POLA2: variants seen among roughly 807,000 people sequenced by gnomAD.
POLA2 encodes DNA polymerase alpha subunit B.
In POLA2, 47 loss-of-function variants were observed where a neutral mutation model predicts 82.8. That is an observed-to-expected ratio of 0.57 (90% CI 0.45 to 0.72). The LOEUF (loss-of-function observed/expected upper bound fraction) is 0.72, where lower values mean the gene tolerates loss of function less well. Ranked by LOEUF, POLA2 falls within the 30% of genes least tolerant of loss-of-function variation. The pLI is 0.00. For synonymous variants in POLA2, 287 were observed against 286.8 expected (o/e 1.00, Z -0.01); for missense variants, 634 against 728.1 (o/e 0.87, Z 1.49).
At chr11:65,301,838 T>G (rs1008008972), downstream of POLA2, among the ~76,000 whole-genome samples, 1 of 152,190 alleles carries the variant, frequency 6.6e-6, no homozygotes, top group Non-Finnish European at 1.5e-5. Context: ...TCTGTCACCG[T>G]CATTGGTCAT....
intron 10 of POLA2, among the ~76,000 whole-genome samples, chr11:65,286,336 G>A (rs920381387): frequency 3.9e-5 from 6 of 152,084 alleles, no homozygotes; most frequent in Non-Finnish European, 5.9e-5. Context: ...GAGGAACTCA[G>A]CCCTGCCCAC....
chr11:65,280,224 A>G (rs1222318450), intron 7 of POLA2, among the ~76,000 whole-genome samples: 6 of 152,202 alleles, frequency 3.9e-5, no homozygotes, highest in Admixed American at 3.3e-4. Context: ...TCATAGAAGG[A>G]AGTGTTAGAG....
At chr11:65,292,084 C>A (rs1296037606) in intron 13 of POLA2, among the ~76,000 whole-genome samples, 1 of 152,130 alleles carries the variant, frequency 6.6e-6, no homozygotes, top group East Asian at 1.9e-4. Context: ...ACTAAAAATA[C>A]AAAAATTAGC....
rs558144534 is a variant in POLA2 at position 65,276,393 on chromosome 11, GT to G, written c.461+406del. On this transcript the variant is annotated intron_variant, in intron 5 of 17. Transcript: ENST00000265465. ...TTCTTTTTCTTTCTTTTCATCTAAAGTTTTTTTTTTTAAAGAAAAGCACATA... is the reference window on the plus strand; with the variant it reads ...TTCTTTTTCTTTCTTTTCATCTAAAGTTTTTTTTTTAAAGAAAAGCACATA... 6.3e-3 allele frequency among the ~76,000 whole-genome samples: 925 copies of G among 146,696 alleles called. 7 individuals carry two copies. Among genetic ancestry groups the G allele is most frequent in the Non-Finnish European group, 0.011 (721 of 66,254 alleles).
chr11:65,267,308 A>G (rs1949471870), intron 2 of POLA2, among the ~76,000 whole-genome samples, 169 bp from the exon 3 acceptor site: 1 of 152,198 alleles, frequency 6.6e-6, no homozygotes, highest in South Asian at 2.1e-4. Flanking sequence ...TATATGTTAT[A>G]GACAGTCATG....
downstream of POLA2, among the ~76,000 whole-genome samples, chr11:65,303,323 C>G (rs1313029030): frequency 1.5e-5 from 2 of 133,814 alleles, no homozygotes; most frequent in Non-Finnish European, 3.1e-5. Context: ...GCCTGGGCAA[C>G]GGAGTGAGAC....
intron 8 of POLA2, among the ~76,000 whole-genome samples, chr11:65,303,881 C>G (rs1398041284): frequency 2.6e-5 from 4 of 152,196 alleles, no homozygotes; most frequent in Non-Finnish European, 5.9e-5. Flanking sequence ...TTGGGGGTCT[C>G]TCCTCGGCAG....
chr11:65,272,720 A>AG (rs1177799126), intron 4 of POLA2, among the ~76,000 whole-genome samples: 1 of 152,202 alleles, frequency 6.6e-6, no homozygotes, highest in East Asian at 1.9e-4. Flanking sequence ...CTGATTAAAA[A>AG]TGATGAAACC....
chr11:65,296,342 T>TC, intron 17 of POLA2: 1 of 230,094 alleles, frequency 4.3e-6, no homozygotes, highest in South Asian at 5.8e-5. Flanking sequence ...TGATATGACC[T>TC]CCAAGTGGGC....
At chr11:65,284,283 C>T (rs765106838) in intron 10 of POLA2, among the ~76,000 whole-genome samples, 6 of 151,938 alleles carry the variant, frequency 3.9e-5, no homozygotes, top group East Asian at 1.9e-4. Context: ...TTTAGCCTCC[C>T]GGCACATAGT....
Position 65,267,570 on chromosome 11 carries a change from T to C in POLA2, c.296+2T>C, listed in dbSNP as rs1476890378. 1 of 1,581,408 alleles carries C rather than the reference T, an allele frequency of 6.3e-7. No homozygotes were observed. Among genetic ancestry groups the C allele is most frequent in the East Asian group, 2.2e-5 (1 of 44,652 alleles). On this transcript the variant is annotated splice_donor_variant, in intron 3 of 17. Transcript: ENST00000265465. LOFTEE classifies it high-confidence loss of function. ...AGACATTGTTTCCATTCAAGAGCTG[T>C]ATCCTTTTCTGCTGAAGGTCTTTGC...
chr11:65,290,356 G>A (rs950447612), intron 13 of POLA2, among the ~76,000 whole-genome samples: 2 of 151,430 alleles, frequency 1.3e-5, no homozygotes, highest in African/African-American at 4.9e-5. Context: ...GATCAATATG[G>A]TGAAACCCTA....
At position 65,279,001 on chromosome 11, in the gene POLA2, G is replaced by T. The variant is rs1949612170; in HGVS notation, c.655+78G>T. The T allele has an allele frequency of 2.3e-6, 3 of 1,326,740 alleles. No individual in the cohort carries two copies. The East Asian group carries it at 7.0e-5, about 31-fold the overall frequency. The allele number at this position is 1,326,740 out of a possible 1,614,324, so 82.2% of individuals were successfully genotyped here. ...TGTAGAGTAACAAAGCTTCAGCTAG[G>T]CTGGTAGAACAAGTTCCAAGGTTGC... On this transcript the variant is annotated intron_variant, in intron 6 of 17. Transcript: ENST00000265465.
At chr11:65,269,844 GTTGTT>G (rs1949503769) in intron 4 of POLA2, among the ~76,000 whole-genome samples, 1 of 152,234 alleles carries the variant, frequency 6.6e-6, no homozygotes, top group African/African-American at 2.4e-5. Context: ...TGTTGTTGTT[GTTGTT>G]TTGAGATGGA....
rs533392130 is a variant in POLA2 at position 65,269,197 on chromosome 11, A to G, written c.354+468A>G. Among the ~76,000 whole-genome samples the G allele has an allele frequency of 2.6e-3, 390 of 152,296 alleles. 7 individuals carry two copies. Among genetic ancestry groups the G allele is most frequent in the Middle Eastern group, 6.8e-3 (2 of 294 alleles). Reference sequence around the variant, plus strand: ...TTCATTCAGTTATCCAGCAACAACTATGTGGCCAGGCGCAGTGGCTCATGC... The same window carrying G: ...TTCATTCAGTTATCCAGCAACAACTGTGTGGCCAGGCGCAGTGGCTCATGC... On this transcript the variant is annotated intron_variant, in intron 4 of 17. Transcript: ENST00000265465.
chr11:65,276,019 A>G, intron 5 of POLA2, 21 bp downstream of exon 5: 10 of 1,448,996 alleles, frequency 6.9e-6, no homozygotes, highest in Non-Finnish European at 9.5e-6. Flanking sequence ...TAATTCATTC[A>G]AGTGCCATAA....
At position 65,289,108 on chromosome 11, in the gene POLA2, A is replaced by AAG; in HGVS notation, c.1170+21_1170+22dup. ...GTGGAGGTGAGTGGGCTGGGGTGGG[A>AAG]AGGGGTCCTGGGTACTTGAATCCAG... On this transcript the variant is annotated intron_variant, in intron 12 of 17. Transcript: ENST00000265465. The AAG allele has an allele frequency of 6.2e-7, 1 of 1,606,328 alleles. No individual in the cohort carries two copies. Among genetic ancestry groups the AAG allele is most frequent in the Admixed American group, 1.7e-5 (1 of 59,676 alleles).
At chr11:65,286,100 A>G (rs983910086) in intron 10 of POLA2, among the ~76,000 whole-genome samples, 1 of 152,230 alleles carries the variant, frequency 6.6e-6, no homozygotes, top group Non-Finnish European at 1.5e-5. Context: ...CACTATAATC[A>G]CAAGGGTCCT....
rs185464378 is a variant in POLA2, at chr11:65,304,763, G to A, written c.657-610G>A. The stretch of plus-strand genomic sequence containing the variant: ...CTAGCCCTGGAGGCTGGGCACCGCC[G>A]ACAGCTGACAGGCACATGTTCAGGG... On this transcript the variant is annotated intron_variant, in intron 8 of 8. Coordinates refer to the POLA2 transcript ENST00000525924. Among the ~76,000 whole-genome samples, 9 of 152,294 alleles carry A rather than the reference G, an allele frequency of 5.9e-5. No individual in the cohort carries two copies. The East Asian group carries it at 7.7e-4, about 13-fold the overall frequency.
Sources: gnomAD v4.1 joint callset for allele counts (sites outside exome capture counted in the v4.1 genomes callset) on GRCh38, gnomAD v4.1.1 for gene constraint, MANE v1.5 for transcripts, NCBI Gene and HGNC (gene_info 2026-07-23, HGNC 2026-07-21) for gene names.